Variants in NRG1 observed in about 807,000 individuals in gnomAD.
The protein encoded by NRG1 is pro-neuregulin-1, membrane-bound isoform.
In NRG1, 18 loss-of-function variants were observed where a neutral mutation model predicts 63.8. That is an observed-to-expected ratio of 0.28 (90% CI 0.19 to 0.42). The LOEUF is 0.42. Ranked by LOEUF, NRG1 falls within the 10% of genes least tolerant of loss-of-function variation. The probability of loss-of-function intolerance (pLI) is 1.00; values close to 1 mark genes in which losing one functional copy is unlikely to be tolerated. For missense variants in NRG1, 762 were observed against 814.7 expected, an observed-to-expected ratio of 0.94 and a Z score of 0.79; for synonymous variants, 302 against 301.3, an observed-to-expected ratio of 1.00 and a Z score of -0.02.
At chr8:32,148,917 A>T (rs1479462039) in intron 1 of NRG1, among the ~76,000 whole-genome samples, 1 of 152,156 alleles carries the variant, frequency 6.6e-6, no homozygotes. Flanking sequence ...AACTCCTAAG[A>T]TCAGGGTCTG....
At chr8:31,934,868 T>C (rs1257134844) in intron 1 of NRG1, among the ~76,000 whole-genome samples, 1 of 152,186 alleles carries the variant, frequency 6.6e-6, no homozygotes, top group East Asian at 1.9e-4. Flanking sequence ...CTTAAAATGC[T>C]GCCTGGCACA....
chr8:32,337,470 G>A (rs1213745891), intron 1 of NRG1, among the ~76,000 whole-genome samples: 1 of 151,786 alleles, frequency 6.6e-6, no homozygotes, highest in African/African-American at 2.4e-5. Flanking sequence ...TGTTTTATAA[G>A]TAGAGGCCAT....
chr8:32,215,855 A>G lies in NRG1; in HGVS notation c.38-379973A>G, dbSNP rs142839442. ...CCAGGAGTTCAAGCCCCATCTGGCC[A>G]ACATGGTGAAAACCCGTTTCTACTA... is the stretch of plus-strand genomic sequence containing the variant. On this transcript the variant is annotated intron_variant, in intron 1 of 10. Coordinates refer to the NRG1 transcript ENST00000519301. Among the ~76,000 whole-genome samples the G allele has an allele frequency of 5.6e-3, 859 of 152,208 alleles. 5 individuals are homozygous for G. The highest frequency in any genetic ancestry group is 1.0e-2 in the African/African-American group (415 of 41,540).
chr8:31,942,814 A>C (rs1801953190), intron 1 of NRG1, among the ~76,000 whole-genome samples: 1 of 152,142 alleles, frequency 6.6e-6, no homozygotes, highest in African/African-American at 2.4e-5. Context: ...ATTATCAGGG[A>C]AATACAAATC....
chr8:32,643,783 A>G (rs1262568965), intron 5 of NRG1, among the ~76,000 whole-genome samples: 1 of 152,198 alleles, frequency 6.6e-6, no homozygotes, highest in Non-Finnish European at 1.5e-5. Flanking sequence ...TATAATTTCT[A>G]AAAATTATTA....
intron 1 of NRG1, among the ~76,000 whole-genome samples, chr8:31,726,867 C>G (rs1813501228): frequency 6.6e-6 from 1 of 152,082 alleles, no homozygotes; most frequent in Non-Finnish European, 1.5e-5. Context: ...GGAGATAGCT[C>G]TTTCCAACAG....
At chr8:32,148,898 G>A (rs1279306835) in intron 1 of NRG1, among the ~76,000 whole-genome samples, 1 of 152,150 alleles carries the variant, frequency 6.6e-6, no homozygotes, top group East Asian at 1.9e-4. Context: ...AGAGTTGGGA[G>A]CCCATCTAAA....
chr8:32,231,876 C>A, intron 1 of NRG1, among the ~76,000 whole-genome samples: 1 of 145,536 alleles, frequency 6.9e-6, no homozygotes, highest in African/African-American at 2.6e-5. Context: ...GCCTGGGCAA[C>A]AGATCAGGAC....
At chr8:32,354,612 G>A (rs895210179) in intron 1 of NRG1, among the ~76,000 whole-genome samples, 2 of 151,886 alleles carry the variant, frequency 1.3e-5, no homozygotes, top group South Asian at 4.2e-4. Flanking sequence ...ATATGTGCAG[G>A]CTGGGCGTGG....
intron 1 of NRG1, among the ~76,000 whole-genome samples, chr8:31,954,500 A>G (rs1804041653): frequency 1.3e-5 from 2 of 152,216 alleles, no homozygotes. Context: ...CTCAAGAGGC[A>G]TTTGTTGACT....
intron 1 of NRG1, among the ~76,000 whole-genome samples, chr8:32,022,688 TTAA>T (rs1474103984): frequency 6.6e-6 from 1 of 152,212 alleles, no homozygotes; most frequent in Non-Finnish European, 1.5e-5. Flanking sequence ...CTGGACCTGT[TTAA>T]TGTTAGTCCT....
intron 1 of NRG1, among the ~76,000 whole-genome samples, chr8:32,452,117 C>T (rs917199544): frequency 3.9e-5 from 6 of 152,126 alleles, no homozygotes; most frequent in African/African-American, 9.7e-5. Context: ...TGTGAGCCAC[C>T]GTGCCCAGCC....
chr8:32,432,176 T>A (rs1818229889), intron 1 of NRG1, among the ~76,000 whole-genome samples: 1 of 152,118 alleles, frequency 6.6e-6, no homozygotes. Context: ...ATAACTCCCA[T>A]CATTAGGTAA....
At chr8:32,193,700 A>G (rs147122495) in intron 1 of NRG1, among the ~76,000 whole-genome samples, 1 of 152,236 alleles carries the variant, frequency 6.6e-6, no homozygotes, top group African/African-American at 2.4e-5. Context: ...CCGGTAACTC[A>G]GAATAGAACC....
At position 32,337,653 on chromosome 8, in the gene NRG1, CAAAAAAAAAAA is replaced by C. The variant is rs71208174; in HGVS notation, c.38-258156_38-258146del. Among the ~76,000 whole-genome samples, 15 of 24,700 alleles carry C rather than the reference CAAAAAAAAAAA, an allele frequency of 6.1e-4. No individual in the cohort carries two copies. The South Asian group carries it at 0.011, about 18-fold the overall frequency. 16.2% of individuals were successfully genotyped at this position (24,700 alleles called of 152,430 possible). A position where few individuals can be genotyped will look rare whatever the true frequency, so the allele number is the denominator to read the frequency against. On this transcript the variant is annotated intron_variant, in intron 1 of 10. Transcript: ENST00000519301. The stretch of plus-strand genomic sequence containing the variant: ...GCTGAAGGAACAAAAAGAGTTATTG[CAAAAAAAAAAA>C]AAAAAAAAAAAAAAAAAAGCTGATG...
At chr8:31,927,440 T>C (rs1035494753) in intron 1 of NRG1, among the ~76,000 whole-genome samples, 1 of 2,474 alleles carries the variant, frequency 4.0e-4, no homozygotes, top group Non-Finnish European at 2.2e-3. Flanking sequence ...AGAAAACTAC[T>C]TTTTTTTTTT....
intron 7 of NRG1, chr8:32,743,190 A>G (rs1180538140): frequency 1.0e-6 from 1 of 986,622 alleles, no homozygotes; most frequent in African/African-American, 1.7e-5. Context: ...TTGATTCAGA[A>G]TGTGTTATTT....
chr8:32,247,880 T>C (rs1848738541), intron 1 of NRG1, among the ~76,000 whole-genome samples: 1 of 152,128 alleles, frequency 6.6e-6, no homozygotes, highest in African/African-American at 2.4e-5. Flanking sequence ...AAGAGTAGAC[T>C]AAGAAGTCAA....
intron 1 of NRG1, among the ~76,000 whole-genome samples, chr8:32,395,608 C>CT (rs541452250): frequency 0.17 from 24,687 of 146,670 alleles, 2,298 homozygotes; most frequent in African/African-American, 0.22. Context: ...TGAGTTATAA[C>CT]TTTTTTTTTT....
Sources: gnomAD v4.1 joint callset for allele counts (sites outside exome capture counted in the v4.1 genomes callset) on GRCh38, gnomAD v4.1.1 for gene constraint, MANE v1.5 for transcripts, NCBI Gene and HGNC (gene_info 2026-07-23, HGNC 2026-07-21) for gene names.